HEATR5B: variants seen among roughly 807,000 people sequenced by gnomAD.
HEATR5B encodes the protein HEAT repeat containing 5B.
HEATR5B carries 156 observed loss-of-function variants against 224.1 expected under a neutral mutation model. That is an observed-to-expected ratio of 0.70 (90% CI 0.61 to 0.80). The LOEUF (loss-of-function observed/expected upper bound fraction) is 0.80, where lower values mean the gene tolerates loss of function less well. Among genes scored for constraint, HEATR5B ranks in the 30% least tolerant of loss-of-function variants. The probability of loss-of-function intolerance (pLI) is 0.00; values close to 1 mark genes in which losing one functional copy is unlikely to be tolerated. For synonymous variants in HEATR5B, 1,027 were observed against 893.0 expected, an observed-to-expected ratio of 1.15 and a Z score of -2.68; for missense variants, 2,323 against 2,535.5, an observed-to-expected ratio of 0.92 and a Z score of 1.80.
intron 18 of HEATR5B, 40 bp from the exon 19 acceptor site, chr2:37,041,332 T>C (rs768585584): frequency 6.3e-7 from 1 of 1,597,898 alleles, no homozygotes; most frequent in Non-Finnish European, 8.6e-7. Context: ...ACTTTGCTAT[T>C]TCCCTATAAA....
intron 16 of HEATR5B, 67 bp downstream of exon 16, chr2:37,056,373 G>C (rs1670913211): frequency 1.7e-6 from 2 of 1,143,094 alleles, no homozygotes; most frequent in African/African-American, 3.2e-5. Flanking sequence ...ACTGGGATGA[G>C]AAAATCTACT....
At chr2:36,988,261 T>C (rs951515156) in intron 35 of HEATR5B, among the ~76,000 whole-genome samples, 1 of 152,006 alleles carries the variant, frequency 6.6e-6, no homozygotes, top group Non-Finnish European at 1.5e-5. Context: ...GGCCTGGTTT[T>C]TTTTCTTTTC....
intron 33 of HEATR5B, among the ~76,000 whole-genome samples, chr2:36,992,784 C>A (rs1174326586): frequency 6.6e-5 from 10 of 151,760 alleles, no homozygotes. Context: ...GAGTGCAGTG[C>A]CATGATCATA....
rs373768266 is a variant in HEATR5B at position 36,988,769 on chromosome 2, T to C, written c.5788A>G (p.Ile1930Val). The stretch of plus-strand genomic sequence containing the variant: ...ACAGCTTTTAGCTTTTCAACCACTA[T>C]TGGAGCTAATGAATGAATATAAGGA... ...STPYIHSLAP[I>V]VVEKLKAVER... The change falls in exon 35 of 36, where the codon ATA (isoleucine) becomes GTA (valine). Residue 1930 changes from isoleucine to valine, a missense_variant. Transcript: ENST00000233099. The C allele has an allele frequency of 1.4e-5, 22 of 1,613,896 alleles. No homozygotes were observed. In the East Asian group the frequency reaches 2.0e-4, roughly 15 times the overall value.
intron 6 of HEATR5B, among the ~76,000 whole-genome samples, chr2:37,071,894 A>C (rs1023412602): frequency 6.6e-6 from 1 of 152,122 alleles, no homozygotes; most frequent in African/African-American, 2.4e-5. Context: ...CATCTTGGCC[A>C]GGCTAGTCTT....
chr2:37,047,552 A>G (rs1558340743), intron 18 of HEATR5B, among the ~76,000 whole-genome samples: 1 of 152,218 alleles, frequency 6.6e-6, no homozygotes, highest in Admixed American at 6.5e-5. Flanking sequence ...GTGACTTTCA[A>G]TTGAATGGAA....
chr2:37,000,905 G>T, intron 32 of HEATR5B, 92 bp from the exon 33 acceptor site: 1 of 783,814 alleles, frequency 1.3e-6, no homozygotes, highest in Non-Finnish European at 2.0e-6. Flanking sequence ...TTTGATTGTG[G>T]TTTAATATTG....
Position 37,068,868 on chromosome 2 carries a change from G to T in HEATR5B, c.990C>A (p.Phe330Leu). The part of the protein sequence containing the change: ...GQWLERSFAT[F>L]LSHVLDLVSH... The stretch of plus-strand genomic sequence containing the variant: ...AAACCAGATCAAGTACATGGGACAG[G>T]AACGTGGCAAAGCTGCGCTCCAACC... The change falls in exon 8 of 36, where the codon TTC (phenylalanine) becomes TTA (leucine). Residue 330 changes from phenylalanine (F) to leucine (L), a missense_variant. By Grantham distance (22) the Phe-to-Leu change is conservative. Coordinates refer to ENST00000233099, the MANE Select transcript of HEATR5B (RefSeq NM_019024.3). The T allele has an allele frequency of 6.2e-7, 1 of 1,614,140 alleles. No homozygotes were observed. The highest frequency in any genetic ancestry group is 2.2e-5 in the East Asian group (1 of 44,880).
chr2:37,014,362 C>A (rs982893454), intron 26 of HEATR5B, among the ~76,000 whole-genome samples: 7 of 151,662 alleles, frequency 4.6e-5, no homozygotes, highest in Non-Finnish European at 1.0e-4. Flanking sequence ...CGGGGTTTCA[C>A]TGTGTTAGCC....
intron 5 of HEATR5B, among the ~76,000 whole-genome samples, chr2:37,072,912 A>G (rs566173450): frequency 6.6e-6 from 1 of 152,358 alleles, no homozygotes; most frequent in South Asian, 2.1e-4. Context: ...ACTCAAGAAG[A>G]AACAGATAAC....
At chr2:37,006,711 A>G (rs1367706464) in intron 29 of HEATR5B, among the ~76,000 whole-genome samples, 2 of 152,224 alleles carry the variant, frequency 1.3e-5, no homozygotes, top group Non-Finnish European at 2.9e-5. Flanking sequence ...ATTCACTGAA[A>G]TCTTCTTAAA....
intron 17 of HEATR5B, among the ~76,000 whole-genome samples, chr2:37,050,272 T>G (rs1407661089): frequency 1.3e-5 from 2 of 152,180 alleles, no homozygotes; most frequent in African/African-American, 4.8e-5. Context: ...TTCAACCAGT[T>G]TTCACATGTA....
intron 27 of HEATR5B, among the ~76,000 whole-genome samples, 197 bp downstream of exon 27, chr2:37,013,644 T>G (rs1348277712): frequency 6.6e-6 from 1 of 152,260 alleles, no homozygotes; most frequent in African/African-American, 2.4e-5. Flanking sequence ...TCCTACCTAA[T>G]TTCCTCATAT....
intron 26 of HEATR5B, among the ~76,000 whole-genome samples, 200 bp from the exon 27 acceptor site, chr2:37,014,220 G>A (rs1038504649): frequency 1.3e-5 from 2 of 152,088 alleles, no homozygotes; most frequent in Admixed American, 6.6e-5. Flanking sequence ...GCAGCGGAGT[G>A]GCGTGATCTC....
chr2:37,058,832 A>T, intron 13 of HEATR5B, 56 bp downstream of exon 13: 1 of 1,041,044 alleles, frequency 9.6e-7, no homozygotes, highest in Non-Finnish European at 1.4e-6. Context: ...TATGGCTGAG[A>T]AGTATATTAT....
intron 24 of HEATR5B, among the ~76,000 whole-genome samples, chr2:37,025,290 G>C (rs1231321243): frequency 6.6e-6 from 1 of 151,756 alleles, no homozygotes; most frequent in Non-Finnish European, 1.5e-5. Flanking sequence ...AGAGAACATG[G>C]GCAATCCACC....
At chr2:37,072,892 T>C (rs936247205) in intron 5 of HEATR5B, among the ~76,000 whole-genome samples, 6 of 152,050 alleles carry the variant, frequency 3.9e-5, no homozygotes, top group African/African-American at 4.8e-5. Flanking sequence ...TTAGAGGAAA[T>C]AGACAATTCA....
rs770215072 is a variant in HEATR5B at position 37,068,855 on chromosome 2, G to C, written c.1003C>G (p.Leu335Val). The change falls in exon 8 of 36, where the codon CTT (leucine) becomes GTT (valine). Residue 335 changes from leucine to valine, a missense_variant. By Grantham distance (32) the Leu-to-Val change is conservative. This residue lies in a region of HEATR5B where 502 missense variants were observed against 517.8 expected (regional missense o/e 0.97). Transcript: ENST00000233099. Reference protein sequence around the residue: ...RSFATFLSHVLDLVSHPRATQ... With the variant: ...RSFATFLSHVVDLVSHPRATQ... ...GCCCGAGGATGGGAAACCAGATCAA[G>C]TACATGGGACAGGAACGTGGCAAAG... The C allele has an allele frequency of 1.3e-5, 21 of 1,614,026 alleles. No homozygotes were observed. The highest frequency in any genetic ancestry group is 1.4e-5 in the Non-Finnish European group (17 of 1,180,022).
Position 37,056,424 on chromosome 2 carries a change from T to C in HEATR5B, c.2399+16A>G, listed in dbSNP as rs759798455. The C allele has an allele frequency of 4.5e-6, 7 of 1,546,736 alleles. No homozygotes were observed. The highest frequency in any genetic ancestry group is 2.2e-5 in the Admixed American group (1 of 46,290). ...TATATATTTAACAAAAATTACCTGA[T>C]TGACTTTATACTAACCGGTGTTTAT... On this transcript the variant is annotated intron_variant, in intron 16 of 35. Transcript: ENST00000233099.
Sources: allele counts gnomAD v4.1 joint callset (sites outside exome capture counted in the v4.1 genomes callset), GRCh38; gene constraint gnomAD v4.1.1; regional missense constraint gnomAD v4.1.1; transcripts MANE v1.5; gene names NCBI Gene and HGNC (gene_info 2026-07-23, HGNC 2026-07-21).